The following MBNL2 variants were observed in gnomAD, a reference collection of about 807,000 sequenced individuals.
MBNL2 encodes muscleblind-like protein 2.
Under a neutral mutation model 41.9 loss-of-function variants are expected in MBNL2, and 17 were observed. That is an observed-to-expected ratio of 0.41 (90% CI 0.28 to 0.61). MBNL2 has a LOEUF of 0.61. Among genes scored for constraint, MBNL2 ranks in the 20% least tolerant of loss-of-function variants. MBNL2 has a pLI of 0.35. For missense variants in MBNL2, 336 were observed against 505.6 expected (o/e 0.66, Z 3.22); for synonymous variants, 195 against 182.9 (o/e 1.07, Z -0.53).
intron 2 of MBNL2, among the ~76,000 whole-genome samples, chr13:97,299,005 C>T (rs1369840726): frequency 6.6e-6 from 1 of 152,108 alleles, no homozygotes; most frequent in Non-Finnish European, 1.5e-5. Context: ...AAGAGAATAG[C>T]TTGTAGTGTA....
chr13:97,352,035 TATAA>T lies in MBNL2; in HGVS notation c.805-4736_805-4733del, dbSNP rs146632066. Among the ~76,000 whole-genome samples, 372 of 148,724 alleles carry T rather than the reference TATAA, an allele frequency of 2.5e-3. 5 individuals carry two copies. Among genetic ancestry groups the T allele is most frequent in the South Asian group, 7.2e-3 (34 of 4,708 alleles). On this transcript the variant is annotated intron_variant, in intron 5 of 8. Transcript: ENST00000679496. ...TGAGACTGTCTCAGAAAAATAAAAA[TATAA>T]ATAAATAAATAAATAAATAAATAAT...
chr13:97,185,581 G>C, the MBNL2 span, among the ~76,000 whole-genome samples: 1 of 152,188 alleles, frequency 6.6e-6, no homozygotes, highest in Non-Finnish European at 1.5e-5. Flanking sequence ...CTGTGACCAC[G>C]AAAGCTGAGG....
At chr13:97,160,636 G>C in the MBNL2 span, among the ~76,000 whole-genome samples, 2 of 152,116 alleles carry the variant, frequency 1.3e-5, no homozygotes, top group African/African-American at 4.8e-5. Flanking sequence ...TCAGTTACAT[G>C]GCTACTCATC....
intron 2 of MBNL2, among the ~76,000 whole-genome samples, chr13:97,306,211 T>C (rs1453783535): frequency 1.3e-5 from 2 of 152,372 alleles, no homozygotes; most frequent in Middle Eastern, 3.4e-3. Context: ...AATTGTCCAG[T>C]CTTCCTCACC....
At chr13:97,169,861 T>A in the MBNL2 span, among the ~76,000 whole-genome samples, 71 of 152,348 alleles carry the variant, frequency 4.7e-4, 1 homozygote, top group African/African-American at 1.7e-3. Context: ...CAATGCTTGA[T>A]GTGGCCCTTC....
chr13:97,228,398 T>G (rs2041944386), intron 1 of MBNL2, among the ~76,000 whole-genome samples: 1 of 152,162 alleles, frequency 6.6e-6, no homozygotes, highest in African/African-American at 2.4e-5. Flanking sequence ...AGGTAGGAGA[T>G]TAATTATTTT....
chr13:97,287,895 C>G (rs150448519), intron 2 of MBNL2, among the ~76,000 whole-genome samples: 7,170 of 147,878 alleles, frequency 0.048, 467 homozygotes, highest in African/African-American at 0.15. Context: ...CAGGTGCCTG[C>G]CACCAGGCCC....
intron 7 of MBNL2, among the ~76,000 whole-genome samples, chr13:97,363,257 G>A (rs960493846): frequency 6.6e-6 from 1 of 152,118 alleles, no homozygotes; most frequent in African/African-American, 2.4e-5. Flanking sequence ...AAACATGGAA[G>A]CTCCTGGAAT....
chr13:97,166,833 T>TAGAA, the MBNL2 span, among the ~76,000 whole-genome samples: 1,917 of 110,628 alleles, frequency 0.017, 14 homozygotes, highest in African/African-American at 0.045. Context: ...GATAGATAGA[T>TAGAA]AGATAGAAAG....
chr13:97,373,402 G>GAGAGAGAGAGT (rs1233505058), intron 8 of MBNL2, among the ~76,000 whole-genome samples: 14 of 151,788 alleles, frequency 9.2e-5, no homozygotes, highest in African/African-American at 3.4e-4. Flanking sequence ...AGGCAGGAGA[G>GAGAGAGAGAGT]AGAGAGAGAG....
At chr13:97,206,326 C>T in the MBNL2 span, among the ~76,000 whole-genome samples, 11 of 151,904 alleles carry the variant, frequency 7.2e-5, no homozygotes, top group Admixed American at 5.9e-4. Flanking sequence ...ATACAGTCTA[C>T]TAGATAAGCA....
chr13:97,154,644 G>C, the MBNL2 span, among the ~76,000 whole-genome samples: 1 of 152,178 alleles, frequency 6.6e-6, no homozygotes, highest in Non-Finnish European at 1.5e-5. Context: ...GAGTACAAAA[G>C]AGGGAGTGAT....
At chr13:97,347,767 A>G (rs1319301550) in intron 5 of MBNL2, among the ~76,000 whole-genome samples, 1 of 152,198 alleles carries the variant, frequency 6.6e-6, no homozygotes, top group Non-Finnish European at 1.5e-5. Context: ...GAGCCTGCTC[A>G]GAATCTCGGA....
At chr13:97,376,668 G>A (rs976816814) in intron 8 of MBNL2, among the ~76,000 whole-genome samples, 11 of 152,088 alleles carry the variant, frequency 7.2e-5, no homozygotes, top group Non-Finnish European at 7.3e-5. Flanking sequence ...TCTTTAAGGC[G>A]ATCATTGTAG....
At chr13:97,352,435 T>C (rs1793128934) in intron 5 of MBNL2, among the ~76,000 whole-genome samples, 1 of 152,164 alleles carries the variant, frequency 6.6e-6, no homozygotes, top group African/African-American at 2.4e-5. Context: ...TCTCAGGGAA[T>C]AGGGAGGCCT....
At chr13:97,156,423 G>T in the MBNL2 span, among the ~76,000 whole-genome samples, 13 of 144,266 alleles carry the variant, frequency 9.0e-5, no homozygotes, top group Non-Finnish European at 1.4e-4. Context: ...GTCAATTTTG[G>T]CTTTTGTTGC....
intron 2 of MBNL2, among the ~76,000 whole-genome samples, chr13:97,311,755 A>C (rs973826592): frequency 6.6e-6 from 1 of 152,018 alleles, no homozygotes; most frequent in African/African-American, 2.4e-5. Context: ...TGAATTAAAC[A>C]TGTGAGGAAA....
chr13:97,214,755 C>T, the MBNL2 span, among the ~76,000 whole-genome samples: 2 of 152,200 alleles, frequency 1.3e-5, no homozygotes, highest in African/African-American at 2.4e-5. Context: ...GCTGAGAATA[C>T]TCATCCTTTA....
chr13:97,283,337 T>C (rs1482842872), intron 2 of MBNL2, among the ~76,000 whole-genome samples: 1 of 152,152 alleles, frequency 6.6e-6, no homozygotes, highest in Non-Finnish European at 1.5e-5. Context: ...CCACCATGGC[T>C]GCAACTACCT....
Sources: gnomAD v4.1 joint callset for allele counts (sites outside exome capture counted in the v4.1 genomes callset) on GRCh38, gnomAD v4.1.1 for gene constraint, MANE v1.5 for transcripts, NCBI Gene and HGNC (gene_info 2026-07-23, HGNC 2026-07-21) for gene names.